Variants in ERC1 observed in about 807,000 individuals in gnomAD.
The protein encoded by ERC1 is RAB6 interacting protein 2.
A neutral mutation model predicts 132.0 loss-of-function variants in ERC1; 56 were observed. The ratio of observed to expected loss-of-function variants is 0.42; its 90% CI spans 0.34 to 0.53. The LOEUF (loss-of-function observed/expected upper bound fraction) is 0.53. Ranked by LOEUF, ERC1 falls within the 20% of genes least tolerant of loss-of-function variation. ERC1 has a pLI of 0.03. For missense variants in ERC1, 1,202 were observed against 1,349.9 expected, an observed-to-expected ratio of 0.89 and a Z score of 1.72; for synonymous variants, 478 against 476.1, an observed-to-expected ratio of 1.00 and a Z score of -0.05.
intron 14 of ERC1, among the ~76,000 whole-genome samples, chr12:1,278,468 ATTG>A (rs968308324): frequency 9.9e-5 from 15 of 151,956 alleles, no homozygotes; most frequent in African/African-American, 3.4e-4. Flanking sequence ...ATTTCATAGT[ATTG>A]TTGTAGCCAC....
At chr12:1,051,371 T>C (rs1971931339) in intron 2 of ERC1, among the ~76,000 whole-genome samples, 1 of 152,062 alleles carries the variant, frequency 6.6e-6, no homozygotes, top group Non-Finnish European at 1.5e-5. Context: ...AATACTAAAA[T>C]ACACTTATCT....
At chr12:1,153,625 G>T (rs888802690) in intron 8 of ERC1, among the ~76,000 whole-genome samples, 2 of 152,218 alleles carry the variant, frequency 1.3e-5, no homozygotes, top group Non-Finnish European at 2.9e-5. Flanking sequence ...AGCCTGAAAA[G>T]ACAAACATTC....
intron 12 of ERC1, among the ~76,000 whole-genome samples, chr12:1,215,305 C>CT (rs138145312): frequency 0.35 from 53,358 of 151,856 alleles, 10,505 homozygotes; most frequent in African/African-American, 0.53. Flanking sequence ...AAGCAGCAAA[C>CT]TTTTTTTAAA....
intron 15 of ERC1, among the ~76,000 whole-genome samples, chr12:1,360,346 G>A (rs988121997): frequency 2.0e-5 from 3 of 152,126 alleles, no homozygotes; most frequent in African/African-American, 4.8e-5. Flanking sequence ...TAAGAACGTT[G>A]GAACTTAGGA....
intron 2 of ERC1, among the ~76,000 whole-genome samples, chr12:1,054,646 G>A (rs1972608695): frequency 6.6e-6 from 1 of 152,056 alleles, no homozygotes; most frequent in Non-Finnish European, 1.5e-5. Context: ...ATGAGAGAAG[G>A]GAGGTCTGGC....
chr12:1,138,476 G>A lies in ERC1; in HGVS notation c.1570-3144G>A, dbSNP rs964761761. Among the ~76,000 whole-genome samples, 16 of 149,670 alleles carry A rather than the reference G, an allele frequency of 1.1e-4. No individual in the cohort carries two copies. In the South Asian group the frequency reaches 2.1e-3, roughly 20 times the overall value. On this transcript the variant is annotated intron_variant, in intron 7 of 18. Coordinates refer to ENST00000360905, the MANE Select transcript of ERC1 (RefSeq NM_178040.4). ...TTAAGTTCTATAAGTAGAAAAAAAA[G>A]TGTTAAATTCTATTACAAAATACCC...
In ERC1 at chr12:1,416,712, T is replaced by G. The variant is rs1350602465; in HGVS notation, c.3024+8465T>G. On this transcript the variant is annotated intron_variant, in intron 17 of 18. Coordinates refer to ENST00000360905, the MANE Select transcript of ERC1 (RefSeq NM_178040.4). Reference sequence around the variant, plus strand: ...CAGAAGGTGGGCTTTGGAACCAGATTACTTGGTTTCAAACTCCTGTGTACC... The same window carrying G: ...CAGAAGGTGGGCTTTGGAACCAGATGACTTGGTTTCAAACTCCTGTGTACC... Among the ~76,000 whole-genome samples the G allele has an allele frequency of 3.9e-5, 6 of 152,228 alleles. No individual in the cohort carries two copies. The East Asian group carries it at 1.2e-3, about 29-fold the overall frequency.
At chr12:1,067,483 C>T (rs540718551) in intron 2 of ERC1, among the ~76,000 whole-genome samples, 31 of 152,192 alleles carry the variant, frequency 2.0e-4, no homozygotes, top group African/African-American at 7.0e-4. Flanking sequence ...CAAAACTCAC[C>T]GAAGTAATTT....
intron 18 of ERC1, among the ~76,000 whole-genome samples, chr12:1,446,741 T>G (rs1202354270): frequency 3.9e-5 from 6 of 152,214 alleles, no homozygotes. Context: ...TTTCACAGCC[T>G]AACTAGTTAC....
At chr12:1,164,711 G>A (rs1952228806) in intron 8 of ERC1, among the ~76,000 whole-genome samples, 1 of 152,202 alleles carries the variant, frequency 6.6e-6, no homozygotes, top group Non-Finnish European at 1.5e-5. Flanking sequence ...CTGAGAAGGG[G>A]TAGAGTTCAT....
intron 15 of ERC1, among the ~76,000 whole-genome samples, chr12:1,319,085 A>G (rs1404226995): frequency 6.6e-6 from 1 of 152,080 alleles, no homozygotes; most frequent in African/African-American, 2.4e-5. Flanking sequence ...ACTTTGTCCT[A>G]TTTATTCCAT....
At chr12:1,392,209 G>A (rs1384285882) in intron 16 of ERC1, among the ~76,000 whole-genome samples, 4 of 152,120 alleles carry the variant, frequency 2.6e-5, no homozygotes, top group East Asian at 1.9e-4. Context: ...TCATGGCTGG[G>A]GGATTCTTGC....
intron 7 of ERC1, among the ~76,000 whole-genome samples, chr12:1,136,477 A>G (rs972641022): frequency 6.6e-6 from 1 of 152,184 alleles, no homozygotes; most frequent in Non-Finnish European, 1.5e-5. Context: ...TATTTTGGCA[A>G]CATTCTTCTC....
At chr12:1,388,577 C>T (rs1272451437) in intron 16 of ERC1, among the ~76,000 whole-genome samples, 3 of 152,116 alleles carry the variant, frequency 2.0e-5, no homozygotes, top group African/African-American at 7.2e-5. Context: ...CTGAGAGTAG[C>T]TTGGACTTGC....
intron 2 of ERC1, among the ~76,000 whole-genome samples, chr12:1,053,680 G>A (rs553236415): frequency 1.3e-5 from 2 of 151,982 alleles, no homozygotes; most frequent in African/African-American, 4.8e-5. Flanking sequence ...TTCCTTCTTG[G>A]ACTATTTGTT....
chr12:1,109,413 T>C (rs945767507), intron 4 of ERC1, among the ~76,000 whole-genome samples: 3 of 152,362 alleles, frequency 2.0e-5, no homozygotes, highest in African/African-American at 7.2e-5. Flanking sequence ...CACATATAGC[T>C]GTACACGTTA....
intron 17 of ERC1, among the ~76,000 whole-genome samples, chr12:1,440,199 CT>C (rs756177628): frequency 0.012 from 1,599 of 128,804 alleles, 15 homozygotes; most frequent in African/African-American, 0.038. Context: ...CTTTCTTTCT[CT>C]TTTTTTTTTT....
At chr12:1,133,375 A>G (rs1948960060) in intron 7 of ERC1, among the ~76,000 whole-genome samples, 1 of 152,138 alleles carries the variant, frequency 6.6e-6, no homozygotes, top group Non-Finnish European at 1.5e-5. Flanking sequence ...CAGATTCAGT[A>G]AGCACCTTCG....
At chr12:1,247,909 T>C (rs1383557181) in intron 13 of ERC1, among the ~76,000 whole-genome samples, 1 of 152,132 alleles carries the variant, frequency 6.6e-6, no homozygotes, top group Non-Finnish European at 1.5e-5. Context: ...GGCAGGAGAA[T>C]CGCTTGAACC....
Sources: gnomAD v4.1 joint callset for allele counts (sites outside exome capture counted in the v4.1 genomes callset) on GRCh38, gnomAD v4.1.1 for gene constraint, MANE v1.5 for transcripts, NCBI Gene and HGNC (gene_info 2026-07-23, HGNC 2026-07-21) for gene names.